The following MAP2K4 variants were observed in gnomAD, a reference collection of about 807,000 sequenced individuals.
MAP2K4 encodes the protein dual specificity mitogen-activated protein kinase kinase 4.
MAP2K4 carries 4 observed loss-of-function variants against 48.5 expected under a neutral mutation model. The observed-to-expected ratio is 0.08, with a 90% CI of 0.04 to 0.19. MAP2K4 has a LOEUF of 0.19. Ranked by LOEUF, MAP2K4 falls within the 10% of genes least tolerant of loss-of-function variation. MAP2K4 has a pLI of 1.00. For missense variants in MAP2K4, 258 were observed against 493.3 expected, an observed-to-expected ratio of 0.52 and a Z score of 4.52; for synonymous variants, 166 against 173.1, an observed-to-expected ratio of 0.96 and a Z score of 0.32.
intron 4 of MAP2K4, among the ~76,000 whole-genome samples, chr17:12,105,030 C>G (rs1384432836): frequency 6.6e-6 from 1 of 152,086 alleles, no homozygotes; most frequent in African/African-American, 2.4e-5. Flanking sequence ...TGTCATATAT[C>G]AGATTTCTGT....
chr17:12,090,926 GT>G (rs1239762814), intron 3 of MAP2K4, among the ~76,000 whole-genome samples: 1 of 152,092 alleles, frequency 6.6e-6, no homozygotes, highest in African/African-American at 2.4e-5. Flanking sequence ...CTGCTTTAAA[GT>G]TTTTCATACT....
chr17:12,120,973 T>TA (rs1167382660), intron 7 of MAP2K4, among the ~76,000 whole-genome samples: 1 of 152,234 alleles, frequency 6.6e-6, no homozygotes, highest in Non-Finnish European at 1.5e-5. Context: ...ACTGTATTGA[T>TA]ACGTCATATT....
chr17:12,096,547 T>TA (rs1205788961), intron 4 of MAP2K4, among the ~76,000 whole-genome samples: 5 of 152,064 alleles, frequency 3.3e-5, no homozygotes, highest in South Asian at 2.1e-4. Context: ...AAATACTCTC[T>TA]AAAAAAAATA....
rs754035296 is a variant in MAP2K4 at position 12,054,927 on chromosome 17, C to G, written c.154C>G (p.Pro52Ala). The G allele has an allele frequency of 6.2e-7, 1 of 1,612,308 alleles. No homozygotes were observed. The highest frequency in any genetic ancestry group is 1.1e-5 in the South Asian group (1 of 90,996). The change falls in exon 2 of 11, where the codon CCT (proline) becomes GCT (alanine). Residue 52 changes from proline (P) to alanine (A), a missense_variant. By Grantham distance (27) the Pro-to-Ala change is conservative (BLOSUM62 -1). Transcript: ENST00000353533. Reference protein sequence around the residue: ...KALKLNFANPPFKSTARFTLN... With the variant: ...KALKLNFANPAFKSTARFTLN... ...ACTGAAGTTGAATTTTGCAAATCCA[C>G]CTTTCAAATCTACAGCAAGGTTTAC...
intron 3 of MAP2K4, among the ~76,000 whole-genome samples, chr17:12,088,536 ATT>A (rs1971447858): frequency 1.2e-5 from 1 of 84,342 alleles, no homozygotes; most frequent in Admixed American, 1.9e-4. Flanking sequence ...TATAATATAT[ATT>A]AAATTATATC....
intron 2 of MAP2K4, among the ~76,000 whole-genome samples, chr17:12,067,005 A>G (rs1364297196): frequency 6.6e-6 from 1 of 151,604 alleles, no homozygotes; most frequent in African/African-American, 2.4e-5. Context: ...ATTTTTGGGT[A>G]GAGATGGGGT....
At chr17:12,064,021 G>GGA (rs34670472) in intron 2 of MAP2K4, among the ~76,000 whole-genome samples, 17,536 of 93,032 alleles carry the variant, frequency 0.19, 1,568 homozygotes, top group Middle Eastern at 0.32. Flanking sequence ...GGGAAGGGGG[G>GGA]GAGAGAGAGA....
At chr17:12,043,383 C>T (rs145279664) in intron 1 of MAP2K4, among the ~76,000 whole-genome samples, 13 of 152,216 alleles carry the variant, frequency 8.5e-5, no homozygotes, top group Admixed American at 3.9e-4. Flanking sequence ...AACCGTGTAT[C>T]CAACAATTGA....
chr17:12,114,703 G>A (rs983434954), intron 7 of MAP2K4, among the ~76,000 whole-genome samples: 6 of 152,116 alleles, frequency 3.9e-5, no homozygotes, highest in African/African-American at 1.4e-4. Flanking sequence ...TTTTTGTTGT[G>A]TGACACTGAC....
At chr17:12,030,702 C>T (rs1969410073) in intron 1 of MAP2K4, among the ~76,000 whole-genome samples, 1 of 152,058 alleles carries the variant, frequency 6.6e-6, no homozygotes, top group African/African-American at 2.4e-5. Context: ...TTTCATATAC[C>T]TTACAAATTT....
chr17:12,063,400 A>C (rs1160341185), intron 2 of MAP2K4, among the ~76,000 whole-genome samples: 2 of 152,206 alleles, frequency 1.3e-5, no homozygotes, highest in Non-Finnish European at 2.9e-5. Context: ...TGGGAAAAAA[A>C]TAGGCTTTTC....
intron 1 of MAP2K4, among the ~76,000 whole-genome samples, chr17:12,026,447 T>C (rs574366982): frequency 6.6e-6 from 1 of 152,176 alleles, no homozygotes. Flanking sequence ...GAAACTTTAA[T>C]TGAGGCTTAA....
rs1973434958 is a variant in MAP2K4, at chr17:12,143,321, A to G, written c.*2061A>G. 8.6e-6 allele frequency: 2 copies of G among 232,798 alleles called. No individual in the cohort carries two copies. The highest frequency in any genetic ancestry group is 4.4e-5 in the African/African-American group (2 of 45,308). 14.4% of individuals were successfully genotyped at this position (232,798 alleles called of 1,614,324 possible). A position where few individuals can be genotyped will look rare whatever the true frequency, so the allele number is the denominator to read the frequency against. ...TGACCGTTCTATTGTGTGGATGACCACATAAGAAGGCAATTTTAGTGTATT... is the reference window on the plus strand; with the variant it reads ...TGACCGTTCTATTGTGTGGATGACCGCATAAGAAGGCAATTTTAGTGTATT... On this transcript the variant is annotated 3_prime_UTR_variant, in exon 11 of 11. Coordinates refer to ENST00000353533, the MANE Select transcript of MAP2K4 (RefSeq NM_003010.4).
intron 10 of MAP2K4, 86 bp from the exon 11 acceptor site, chr17:12,141,061 A>G: frequency 1.3e-6 from 1 of 783,212 alleles, no homozygotes; most frequent in Non-Finnish European, 2.3e-6. Flanking sequence ...GGGAGCCTGG[A>G]GTTCTATGTT....
intron 1 of MAP2K4, among the ~76,000 whole-genome samples, chr17:12,041,370 G>A (rs1295030106): frequency 1.3e-5 from 2 of 152,314 alleles, no homozygotes; most frequent in East Asian, 3.9e-4. Context: ...GACATAGTTG[G>A]ATTTTAATTT....
chr17:12,122,239 G>C (rs1405900186), intron 7 of MAP2K4, among the ~76,000 whole-genome samples: 2 of 152,162 alleles, frequency 1.3e-5, no homozygotes, highest in Non-Finnish European at 2.9e-5. Context: ...CAACTATTCC[G>C]TACTTGCTCC....
At chr17:12,049,917 A>C (rs1304471543) in intron 1 of MAP2K4, among the ~76,000 whole-genome samples, 3 of 152,176 alleles carry the variant, frequency 2.0e-5, no homozygotes, top group African/African-American at 7.2e-5. Context: ...GCATTATATC[A>C]AAAAGGTTAT....
chr17:12,064,504 G>T (rs1970552887), intron 2 of MAP2K4, among the ~76,000 whole-genome samples: 1 of 152,162 alleles, frequency 6.6e-6, no homozygotes, highest in Non-Finnish European at 1.5e-5. Flanking sequence ...GAGAAATGCA[G>T]ACTAAAACAA....
intron 8 of MAP2K4, among the ~76,000 whole-genome samples, chr17:12,128,049 T>G (rs1370717748): frequency 6.6e-6 from 1 of 152,174 alleles, no homozygotes; most frequent in Non-Finnish European, 1.5e-5. Context: ...TTAAATATGT[T>G]TCTTGGAAAA....
Sources: gnomAD v4.1 joint callset for allele counts (sites outside exome capture counted in the v4.1 genomes callset) on GRCh38, gnomAD v4.1.1 for gene constraint, MANE v1.5 for transcripts, NCBI Gene and HGNC (gene_info 2026-07-23, HGNC 2026-07-21) for gene names.